SLC39A5: variants seen among roughly 807,000 people sequenced by gnomAD.
SLC39A5 encodes solute carrier family 39 member 5.
A neutral mutation model predicts 46.9 loss-of-function variants in SLC39A5; 42 were observed. The observed-to-expected ratio is 0.90, with a 90% CI of 0.70 to 1.16. The LOEUF is 1.16. Ranked by LOEUF, SLC39A5 falls within the 50% of genes most tolerant of loss-of-function variation. SLC39A5 has a pLI of 0.00. For synonymous variants in SLC39A5, 311 were observed against 323.1 expected (o/e 0.96, Z 0.40); for missense variants, 677 against 686.8 (o/e 0.99, Z 0.16).
rs767783104 is a variant in SLC39A5, at chr12:56,237,775, A to G, written c.*44A>G. ...GTCGGGTTGCCCTTCCTTCCCCCCA[A>G]CCACAGGAATGGAGGCGGGACACAG... On this transcript the variant is annotated 3_prime_UTR_variant, in exon 13 of 13. Transcript: ENST00000454355. 6.0e-5 allele frequency: 91 copies of G among 1,504,756 alleles called. 1 individual carries two copies. In the South Asian group the frequency reaches 9.8e-4, roughly 16 times the overall value. The allele number at this position is 1,504,756 out of a possible 1,614,324, so 93.2% of individuals were successfully genotyped here.
rs762198832 is a variant in SLC39A5, at chr12:56,236,586, A to G, written c.1047A>G (p.Pro349=). Residue 349 remains proline (P), a synonymous_variant, in exon 10 of 13, where the codon CCA becomes CCG. Transcript: ENST00000454355. The stretch of plus-strand genomic sequence containing the variant: ...GTCCTGTGCTTCTTCCCGCAGAGCC[A>G]GGGGCTCAGGGCCAGAGGGAGAAGA... ...ALQPLQAAPE[P]GAQGQREKNS... is the part of the protein sequence containing the mutation. 2 of 1,612,876 alleles carry G rather than the reference A, an allele frequency of 1.2e-6. No individual in the cohort carries two copies. The highest frequency in any genetic ancestry group is 1.7e-6 in the Non-Finnish European group (2 of 1,179,104).
At position 56,232,815 on chromosome 12, in the gene SLC39A5, C is replaced by T. The variant is rs1003579630; in HGVS notation, c.414C>T (p.Asp138=). ...GTGGGCCAGCCCCCTCGGGCCTGGA[C>T]CTCCTTCACAGGCTTCTGTTGCTGG... ...LPRGPAPSGL[D]LLHRLLLLDH... is the part of the protein sequence containing the mutation. Residue 138 remains aspartate (D), a synonymous_variant, in exon 5 of 13, where the codon GAC becomes GAT. Transcript: ENST00000454355. 8.1e-6 allele frequency: 13 copies of T among 1,613,174 alleles called. No individual in the cohort carries two copies. The highest frequency in any genetic ancestry group is 1.1e-5 in the Non-Finnish European group (13 of 1,179,670).
chr12:56,232,162 T>C (rs34611281), intron 4 of SLC39A5, among the ~76,000 whole-genome samples: 3 of 111,836 alleles, frequency 2.7e-5, no homozygotes, highest in African/African-American at 1.2e-4. Context: ...TTTTCTTTTC[T>C]TTTTTTTTTT....
intron 4 of SLC39A5, among the ~76,000 whole-genome samples, chr12:56,232,320 C>T (rs1870305536): frequency 1.3e-5 from 2 of 151,846 alleles, no homozygotes; most frequent in Admixed American, 6.6e-5. Flanking sequence ...CACACACCAC[C>T]ACGCCGGGCT....
intron 4 of SLC39A5, 85 bp downstream of exon 4, chr12:56,231,646 T>G (rs1870227754): frequency 1.4e-6 from 2 of 1,395,936 alleles, no homozygotes; most frequent in Admixed American, 2.5e-5. Flanking sequence ...TCTGGCTTCC[T>G]CACGAGATCC....
chr12:56,231,519 C>A lies in SLC39A5; in HGVS notation c.245C>A (p.Thr82Asn). The change falls in exon 4 of 13, where the codon ACT (threonine) becomes AAT (asparagine). Residue 82 changes from threonine to asparagine, a missense_variant. Transcript: ENST00000454355. Reference protein sequence around the residue: ...GLRLGQHGPLTGRAASPAADN... With the variant: ...GLRLGQHGPLNGRAASPAADN... ...CGCCTGGGACAGCATGGGCCTCTGACTGGACGGGCTGCATCCCCAGCTGCA... is the reference window on the plus strand; with the variant it reads ...CGCCTGGGACAGCATGGGCCTCTGAATGGACGGGCTGCATCCCCAGCTGCA... 1 of 1,586,504 alleles carries A rather than the reference C, an allele frequency of 6.3e-7. No individual in the cohort carries two copies. Among genetic ancestry groups the A allele is most frequent in the Non-Finnish European group, 8.6e-7 (1 of 1,165,046 alleles).
At position 56,237,340 on chromosome 12, in the gene SLC39A5, GGTGA is replaced by G. The variant is rs764519283; in HGVS notation, c.1479+2_1479+5del. The G allele has an allele frequency of 2.7e-4, 433 of 1,585,054 alleles. No individual in the cohort carries two copies. Among genetic ancestry groups the G allele is most frequent in the Middle Eastern group, 5.1e-4 (3 of 5,900 alleles). ...TCCTCTATGTGGCCCTTGTGGACAT[GGTGA>G]GAGATGTCGGGTAGAGCAGAGAAAT... On this transcript the variant is annotated splice_donor_variant and splice_donor_region_variant and intron_variant, in intron 12 of 12. Coordinates refer to ENST00000454355, the MANE Select transcript of SLC39A5 (RefSeq NM_173596.3). LOFTEE classifies it high-confidence loss of function.
In SLC39A5 at chr12:56,236,656, C is replaced by T. The variant is rs770559983; in HGVS notation, c.1117C>T (p.His373Tyr). ...TCTGGCCCCTCCTGGGCACCAAGGC[C>T]ACAGTCATGGGCACCAGGGTGGCAC... The part of the protein sequence containing the change: ...PALAPPGHQG[H>Y]SHGHQGGTDI... Residue 373 changes from histidine (H) to tyrosine (Y), a missense_variant, in exon 10 of 13, where the codon CAC becomes TAC. His to Tyr is a moderately conservative substitution (Grantham distance 83, BLOSUM62 2). Transcript: ENST00000454355. 1.9e-6 allele frequency: 3 copies of T among 1,613,700 alleles called. No individual in the cohort carries two copies. The East Asian group carries it at 6.7e-5, about 36-fold the overall frequency.
rs758556800 is a variant in SLC39A5, at chr12:56,237,594, G to A, written c.1486G>A (p.Ala496Thr). The change falls in exon 13 of 13, where the codon GCC becomes ACC. Residue 496 changes from alanine to threonine, a missense_variant. Coordinates refer to ENST00000454355, the MANE Select transcript of SLC39A5 (RefSeq NM_173596.3). ...CATCCTCTTTTTCTTTCAGCTACCA[G>A]CCCTGCTTCGTCCTCCGGAGCCCCT... ...LYVALVDMLP[A>T]LLRPPEPLPT... 1.2e-6 allele frequency: 2 copies of A among 1,613,672 alleles called. No individual in the cohort carries two copies. The highest frequency in any genetic ancestry group is 1.3e-5 in the African/African-American group (1 of 74,880).
Position 56,236,679 on chromosome 12 carries a change from C to A in SLC39A5, c.1140C>A (p.Gly380=). Residue 380 remains glycine (G), a synonymous_variant, in exon 10 of 13, where the codon GGC becomes GGA. Coordinates refer to ENST00000454355, the MANE Select transcript of SLC39A5 (RefSeq NM_173596.3). The part of the protein sequence containing the change: ...HQGHSHGHQG[G]TDITWMVLLG... ...GCCACAGTCATGGGCACCAGGGTGG[C>A]ACTGATATCACGTGGATGGTCCTCC... 1 of 1,613,464 alleles carries A rather than the reference C, an allele frequency of 6.2e-7. No individual in the cohort carries two copies. The highest frequency in any genetic ancestry group is 1.7e-4 in the Middle Eastern group (1 of 6,060).
intron 4 of SLC39A5, among the ~76,000 whole-genome samples, chr12:56,232,414 C>G (rs1270762118): frequency 6.6e-6 from 1 of 152,106 alleles, no homozygotes; most frequent in South Asian, 2.1e-4. Context: ...GATCCACCCA[C>G]CTCAGCCTCC....
chr12:56,235,019 G>A, intron 6 of SLC39A5, 33 bp downstream of exon 6: 1 of 1,609,694 alleles, frequency 6.2e-7, no homozygotes, highest in East Asian at 2.2e-5. Context: ...GGGACACCCT[G>A]AATCCTGGAA....
intron 10 of SLC39A5, 53 bp from the exon 11 acceptor site, chr12:56,236,878 T>C (rs1295451277): frequency 1.9e-6 from 3 of 1,609,314 alleles, no homozygotes; most frequent in Non-Finnish European, 2.5e-6. Context: ...AGGAACCTGC[T>C]TCTGAGGAGA....
chr12:56,235,784 C>T (rs1221693407), intron 8 of SLC39A5, 84 bp downstream of exon 8: 14 of 1,571,246 alleles, frequency 8.9e-6, no homozygotes, highest in Non-Finnish European at 1.2e-5. Flanking sequence ...GTGGCTCACG[C>T]CTGTAATCCC....
rs776576355 is a variant in SLC39A5 at position 56,237,310 on chromosome 12, G to T, written c.1449G>T (p.Gly483=). Residue 483 remains glycine (G), a synonymous_variant, in exon 12 of 13, where the codon GGG becomes GGT. Coordinates refer to ENST00000454355, the MANE Select transcript of SLC39A5 (RefSeq NM_173596.3). The stretch of plus-strand genomic sequence containing the variant: ...CCTGGGTGTTTGGGGTCACTGCTGG[G>T]GTCTTCCTCTATGTGGCCCTTGTGG... ...LTPWVFGVTA[G]VFLYVALVDM... is the part of the protein sequence containing the mutation. 1.1e-5 allele frequency: 17 copies of T among 1,607,976 alleles called. No individual in the cohort carries two copies. The highest frequency in any genetic ancestry group is 1.0e-4 in the South Asian group (9 of 90,272).
chr12:56,235,915 T>C (rs544306612), intron 8 of SLC39A5: 5 of 564,408 alleles, frequency 8.9e-6, no homozygotes, highest in African/African-American at 1.9e-5. Flanking sequence ...TGGTGGTGCG[T>C]GTCTGTAATC....
chr12:56,237,751 T>C lies in SLC39A5; in HGVS notation c.*20T>C, dbSNP rs772719415. The stretch of plus-strand genomic sequence containing the variant: ...GGCTGATGGGGCCAGTGGAAAGGGG[T>C]CGGGTTGCCCTTCCTTCCCCCCAAC... On this transcript the variant is annotated 3_prime_UTR_variant, in exon 13 of 13. Coordinates refer to ENST00000454355, the MANE Select transcript of SLC39A5 (RefSeq NM_173596.3). 4.6e-6 allele frequency: 7 copies of C among 1,512,854 alleles called. 1 individual carries two copies. Among genetic ancestry groups the C allele is most frequent in the South Asian group, 2.6e-5 (2 of 75,630 alleles). The allele number at this position is 1,512,854 out of a possible 1,614,324, so 93.7% of individuals were successfully genotyped here.
chr12:56,237,434 C>G, intron 12 of SLC39A5, 94 bp downstream of exon 12: 1 of 1,526,314 alleles, frequency 6.6e-7, no homozygotes, highest in Non-Finnish European at 8.9e-7. Flanking sequence ...ACCATTAGCT[C>G]CTGGAAGGGC....
intron 5 of SLC39A5, among the ~76,000 whole-genome samples, chr12:56,233,650 T>C (rs1870454599): frequency 6.6e-6 from 1 of 152,034 alleles, no homozygotes; most frequent in Non-Finnish European, 1.5e-5. Flanking sequence ...ATCTGGATGG[T>C]CACCTGGAGA....
Sources: allele counts gnomAD v4.1 joint callset (sites outside exome capture counted in the v4.1 genomes callset), GRCh38; gene constraint gnomAD v4.1.1; transcripts MANE v1.5; gene names NCBI Gene and HGNC (gene_info 2026-07-23, HGNC 2026-07-21).